The following FRMD5 variants were observed in gnomAD, a reference collection of about 807,000 sequenced individuals.
FRMD5 encodes the protein FERM domain containing 5, also known as FERM domain-containing protein 5.
FRMD5 carries 20 observed loss-of-function variants against 69.0 expected under a neutral mutation model. The ratio of observed to expected loss-of-function variants is 0.29; its 90% CI spans 0.20 to 0.42. The LOEUF is 0.42. Among genes scored for constraint, FRMD5 ranks in the 10% least tolerant of loss-of-function variants. FRMD5 has a pLI of 1.00. For missense variants in FRMD5, 595 were observed against 708.6 expected (o/e 0.84, Z 1.82); for synonymous variants, 271 against 260.1 (o/e 1.04, Z -0.40).
chr15:43,950,251 A>G (rs184434851), intron 1 of FRMD5, among the ~76,000 whole-genome samples: 70 of 152,302 alleles, frequency 4.6e-4, no homozygotes, highest in Non-Finnish European at 1.2e-4. Context: ...GGGAAGGTGG[A>G]TAGGTGAACG....
At position 44,139,298 on chromosome 15, in the gene FRMD5, TACA is replaced by T. The variant is rs1484283928; in HGVS notation, c.102+55652_102+55654del. ...CACCATCTATAGCTCCCCCTCTCTCTACACACACACACACACACACACACACAC... is the reference window on the plus strand; with the variant it reads ...CACCATCTATAGCTCCCCCTCTCTCTCACACACACACACACACACACACAC... On this transcript the variant is annotated intron_variant, in intron 1 of 13. Coordinates refer to ENST00000417257, the MANE Select transcript of FRMD5 (RefSeq NM_032892.5). Among the ~76,000 whole-genome samples the T allele has an allele frequency of 3.1e-3, 448 of 143,752 alleles. 3 individuals carry two copies. Among genetic ancestry groups the T allele is most frequent in the African/African-American group, 0.011 (421 of 39,434 alleles). The allele number at this position is 143,752 out of a possible 152,430, so 94.3% of individuals were successfully genotyped here. A position where few individuals can be genotyped will look rare whatever the true frequency, so the allele number is the denominator to read the frequency against.
intron 1 of FRMD5, among the ~76,000 whole-genome samples, chr15:43,929,807 A>T (rs554001088): frequency 1.1e-4 from 16 of 152,252 alleles, no homozygotes; most frequent in African/African-American, 3.9e-4. Context: ...TATATATTTA[A>T]ATTTCTTGTA....
intron 1 of FRMD5, among the ~76,000 whole-genome samples, chr15:44,093,109 T>G (rs978043215): frequency 6.6e-6 from 1 of 151,932 alleles, no homozygotes; most frequent in Admixed American, 6.6e-5. Flanking sequence ...TTTTTGTATT[T>G]TTAGTAGAGA....
chr15:44,020,598 TTTA>T (rs1218320580), intron 1 of FRMD5, among the ~76,000 whole-genome samples: 35 of 152,252 alleles, frequency 2.3e-4, no homozygotes, highest in Non-Finnish European at 1.9e-4. Context: ...ACGTTGGAGC[TTTA>T]TTAATTTATT....
chr15:44,053,981 C>T (rs1348010631), intron 1 of FRMD5, among the ~76,000 whole-genome samples: 1 of 152,182 alleles, frequency 6.6e-6, no homozygotes, highest in Non-Finnish European at 1.5e-5. Flanking sequence ...CAGGATTAAA[C>T]GTCATCACAT....
intron 1 of FRMD5, among the ~76,000 whole-genome samples, chr15:44,025,963 C>A (rs1346229415): frequency 2.0e-5 from 3 of 152,102 alleles, no homozygotes; most frequent in Non-Finnish European, 4.4e-5. Flanking sequence ...TTCCTTCCAC[C>A]CTCCTTAATT....
At chr15:44,092,543 G>A (rs1349268675) in intron 1 of FRMD5, among the ~76,000 whole-genome samples, 6 of 152,134 alleles carry the variant, frequency 3.9e-5, no homozygotes, top group African/African-American at 1.4e-4. Flanking sequence ...TATACTCTGT[G>A]CAAAATTCAT....
At chr15:43,875,556 C>T (rs1191472380) in intron 13 of FRMD5, among the ~76,000 whole-genome samples, 2 of 151,284 alleles carry the variant, frequency 1.3e-5, no homozygotes, top group Non-Finnish European at 2.9e-5. Context: ...CAGCTCACTA[C>T]AACTTCTGCC....
intron 1 of FRMD5, among the ~76,000 whole-genome samples, chr15:44,135,566 G>A (rs972826127): frequency 2.0e-5 from 3 of 152,084 alleles, no homozygotes; most frequent in Admixed American, 6.5e-5. Context: ...GGTGGCTCAC[G>A]CCTGTAATTC....
intron 1 of FRMD5, among the ~76,000 whole-genome samples, chr15:44,124,743 C>A (rs988986362): frequency 6.6e-6 from 1 of 152,034 alleles, no homozygotes; most frequent in Admixed American, 6.6e-5. Context: ...CTTAGACATG[C>A]TATTTAAAAC....
chr15:43,982,695 T>G (rs1348908787), intron 1 of FRMD5, among the ~76,000 whole-genome samples: 2 of 152,250 alleles, frequency 1.3e-5, no homozygotes, highest in Non-Finnish European at 2.9e-5. Flanking sequence ...CAAGAAGTTT[T>G]TAAAGAACAC....
At chr15:44,180,052 T>TAAA (rs5812269) in intron 1 of FRMD5, among the ~76,000 whole-genome samples, 1 of 97,498 alleles carries the variant, frequency 1.0e-5, no homozygotes, top group East Asian at 2.9e-4. Context: ...CTCCATCTCT[T>TAAA]AAAAAAAAAA....
At chr15:44,195,278 T>C, upstream of FRMD5, 1 of 509,930 alleles carries the variant, frequency 2.0e-6, no homozygotes, top group Non-Finnish European at 3.4e-6. Flanking sequence ...CTCTGTCTCC[T>C]CGGCGCCCCA....
At chr15:43,950,463 T>C (rs2090009742) in intron 1 of FRMD5, among the ~76,000 whole-genome samples, 1 of 152,188 alleles carries the variant, frequency 6.6e-6, no homozygotes, top group African/African-American at 2.4e-5. Flanking sequence ...TCCTTGGGGA[T>C]GATGATTCTA....
At chr15:44,157,293 T>C (rs947854367) in intron 1 of FRMD5, among the ~76,000 whole-genome samples, 11 of 152,182 alleles carry the variant, frequency 7.2e-5, no homozygotes, top group Admixed American at 2.0e-4. Context: ...GTCCAAATGT[T>C]CAAGAGTAAT....
At chr15:43,942,437 T>C (rs1021255225) in intron 1 of FRMD5, among the ~76,000 whole-genome samples, 1 of 152,212 alleles carries the variant, frequency 6.6e-6, no homozygotes, top group Non-Finnish European at 1.5e-5. Context: ...TCAGAGTCTA[T>C]GGGACTTTGA....
In FRMD5 at chr15:43,872,804, TCATC is replaced by T. The variant is rs1336478974; in HGVS notation, c.*1077_*1080del. The T allele has an allele frequency of 3.8e-5, 7 of 184,182 alleles. No homozygotes were observed. In the East Asian group the frequency reaches 8.2e-4, roughly 22 times the overall value. The allele number at this position is 184,182 out of a possible 1,614,324, so 11.4% of individuals were successfully genotyped here. On this transcript the variant is annotated 3_prime_UTR_variant, in exon 14 of 14. Transcript: ENST00000417257. ...CAGTTTCTTTCTTGCATCGTTTAGT[TCATC>T]AGGCTCTATTTTCTTAATCCATAAA...
At chr15:43,894,096 T>A (rs2088858741) in intron 7 of FRMD5, among the ~76,000 whole-genome samples, 1 of 152,224 alleles carries the variant, frequency 6.6e-6, no homozygotes, top group Non-Finnish European at 1.5e-5. Flanking sequence ...GGGCTGATTT[T>A]CCTCCTGCTT....
chr15:43,919,560 A>T, intron 3 of FRMD5, 23 bp from the exon 4 acceptor site: 1 of 1,611,262 alleles, frequency 6.2e-7, no homozygotes, highest in Non-Finnish European at 8.5e-7. Flanking sequence ...AGAGGTGCTC[A>T]TCAGGGAAGA....
Sources: gnomAD v4.1 joint callset for allele counts (sites outside exome capture counted in the v4.1 genomes callset) on GRCh38, gnomAD v4.1.1 for gene constraint, MANE v1.5 for transcripts, NCBI Gene and HGNC (gene_info 2026-07-23, HGNC 2026-07-21) for gene names.